ARNT: variants seen among roughly 807,000 people sequenced by gnomAD.
The protein encoded by ARNT is aryl hydrocarbon receptor nuclear translocator, also known as class E basic helix-loop-helix protein 2.
A neutral mutation model predicts 105.0 loss-of-function variants in ARNT; 30 were observed. That is an observed-to-expected ratio of 0.29 (90% CI 0.21 to 0.39). The LOEUF is 0.39. Among genes scored for constraint, ARNT ranks in the 10% least tolerant of loss-of-function variants. The pLI, the probability that ARNT is intolerant of heterozygous loss-of-function variation, is 1.00. For synonymous variants in ARNT, 304 were observed against 344.0 expected, an observed-to-expected ratio of 0.88 and a Z score of 1.29; for missense variants, 748 against 978.7, an observed-to-expected ratio of 0.76 and a Z score of 3.15.
chr1:150,823,431 T>A, intron 13 of ARNT, 86 bp from the exon 14 acceptor site: 1 of 1,336,572 alleles, frequency 7.5e-7, no homozygotes, highest in Non-Finnish European at 1.0e-6. Flanking sequence ...TCTATAACCC[T>A]AAAACTCTTG....
rs1663873796 is a variant in ARNT, at chr1:150,852,816, G to A, written c.138-10C>T. 3 of 1,613,910 alleles carry A rather than the reference G, an allele frequency of 1.9e-6. No homozygotes were observed. The highest frequency in any genetic ancestry group is 2.2e-5 in the East Asian group (1 of 44,862). ...ATCATCAAAATCCAGCCTGAGGAAA[G>A]CCAACAATAAATACTTTAAGCCTGC... On this transcript the variant is annotated splice_polypyrimidine_tract_variant and intron_variant, in intron 2 of 21. Coordinates refer to ENST00000358595, the MANE Select transcript of ARNT (RefSeq NM_001668.4).
At chr1:150,864,184 T>C (rs1325970287) in intron 1 of ARNT, among the ~76,000 whole-genome samples, 1 of 152,182 alleles carries the variant, frequency 6.6e-6, no homozygotes, top group African/African-American at 2.4e-5. Context: ...AAGTAATGTG[T>C]TGTGCTAAGA....
At chr1:150,847,425 C>CAA (rs587697329) in intron 3 of ARNT, among the ~76,000 whole-genome samples, 29,555 of 90,674 alleles carry the variant, frequency 0.33, 5,509 homozygotes, top group South Asian at 0.5. Flanking sequence ...GACTCCGTCT[C>CAA]AAAAAAAAAA....
At chr1:150,834,706 C>T in intron 7 of ARNT, 66 bp from the exon 8 acceptor site, 1 of 1,394,042 alleles carries the variant, frequency 7.2e-7, no homozygotes, top group Non-Finnish European at 1.0e-6. Context: ...GGGAGAGATA[C>T]TGAAGGCAAA....
intron 1 of ARNT, among the ~76,000 whole-genome samples, chr1:150,860,001 T>C (rs1307970090): frequency 6.7e-6 from 1 of 149,874 alleles, no homozygotes; most frequent in Non-Finnish European, 1.5e-5. Flanking sequence ...AGCAAGATCC[T>C]GTCTAAAAAA....
chr1:150,868,812 C>T (rs941852824), intron 1 of ARNT, among the ~76,000 whole-genome samples: 1 of 151,956 alleles, frequency 6.6e-6, no homozygotes, highest in Non-Finnish European at 1.5e-5. Context: ...GCAGGAGAAT[C>T]GCTTAAACCC....
chr1:150,836,234 A>C (rs780963898), intron 7 of ARNT, 46 bp downstream of exon 7: 2 of 1,582,994 alleles, frequency 1.3e-6, no homozygotes, highest in African/African-American at 2.7e-5. Context: ...TCAGGAAAAA[A>C]ACAAGAAAGG....
At chr1:150,848,428 C>T (rs770731267) in intron 3 of ARNT, among the ~76,000 whole-genome samples, 13 of 149,734 alleles carry the variant, frequency 8.7e-5, no homozygotes, top group Non-Finnish European at 1.5e-4. Context: ...TGCACTCCAA[C>T]GTGGGCAACA....
At chr1:150,844,029 TC>T (rs1286045901) in intron 4 of ARNT, among the ~76,000 whole-genome samples, 1 of 152,176 alleles carries the variant, frequency 6.6e-6, no homozygotes, top group Non-Finnish European at 1.5e-5. Context: ...AAAACCAAAA[TC>T]ATTCATGCGA....
chr1:150,860,016 A>C (rs1243042053), intron 1 of ARNT, among the ~76,000 whole-genome samples: 2 of 151,836 alleles, frequency 1.3e-5, no homozygotes, highest in Non-Finnish European at 2.9e-5. Context: ...AAAAAAAAAA[A>C]AAGGGTGCAT....
At chr1:150,874,625 C>G (rs992646225) in intron 1 of ARNT, among the ~76,000 whole-genome samples, 3 of 152,084 alleles carry the variant, frequency 2.0e-5, no homozygotes, top group Admixed American at 1.3e-4. Context: ...GAGGTGGAGG[C>G]TGCCGTGAGC....
At chr1:150,862,102 G>T (rs1162035107) in intron 1 of ARNT, among the ~76,000 whole-genome samples, 1 of 152,018 alleles carries the variant, frequency 6.6e-6, no homozygotes, top group Non-Finnish European at 1.5e-5. Flanking sequence ...ACAATATATT[G>T]CTATGGCAAT....
intron 3 of ARNT, 44 bp from the exon 4 acceptor site, chr1:150,846,351 A>T: frequency 1.3e-6 from 2 of 1,593,376 alleles, no homozygotes; most frequent in Non-Finnish European, 1.7e-6. Context: ...TACACTTGTT[A>T]TATCTATTTC....
intron 21 of ARNT, among the ~76,000 whole-genome samples, chr1:150,812,964 T>C (rs587640653): frequency 2.0e-5 from 3 of 152,318 alleles, no homozygotes; most frequent in African/African-American, 7.2e-5. Flanking sequence ...TCTAAGGGGC[T>C]GACATCATAT....
chr1:150,850,287 C>T lies in ARNT; in HGVS notation c.182+2475G>A, dbSNP rs183051963. On this transcript the variant is annotated intron_variant, in intron 3 of 21. Transcript: ENST00000358595. ...TCTCCCCACGGTCTCCCTCTCCCCA[C>T]GGTCTCCCTCTCCCTCTCTTTCCAC... Among the ~76,000 whole-genome samples, 51 of 152,096 alleles carry T rather than the reference C, an allele frequency of 3.4e-4. 1 individual carries two copies. In the East Asian group the frequency reaches 7.9e-3, roughly 24 times the overall value.
intron 20 of ARNT, among the ~76,000 whole-genome samples, chr1:150,813,721 C>T (rs587648334): frequency 2.6e-5 from 4 of 151,788 alleles, no homozygotes; most frequent in East Asian, 1.9e-4. Context: ...CTCAGCTCAC[C>T]GCAACCTCTG....
At chr1:150,812,211 A>T in intron 21 of ARNT, 101 bp from the exon 22 acceptor site, 1 of 829,088 alleles carries the variant, frequency 1.2e-6, no homozygotes, top group Non-Finnish European at 1.7e-6. Flanking sequence ...CCTGACCCCG[A>T]GTCTTTGCTG....
rs1018631004 is a variant in ARNT, at chr1:150,811,652, T to C, written c.*369A>G. The C allele has an allele frequency of 1.3e-5, 3 of 236,864 alleles. No individual in the cohort carries two copies. The highest frequency in any genetic ancestry group is 6.6e-5 in the African/African-American group (3 of 45,462). 14.7% of individuals were successfully genotyped at this position (236,864 alleles called of 1,614,324 possible). On this transcript the variant is annotated 3_prime_UTR_variant, in exon 22 of 22. Transcript: ENST00000358595. ...TCCTCCACTCTCTTCAGAATTTCTT[T>C]CCAAAAACAAGCCATACTATCCAAG... is the stretch of plus-strand genomic sequence containing the variant.
intron 5 of ARNT, among the ~76,000 whole-genome samples, chr1:150,840,490 C>T (rs1379471388): frequency 1.3e-5 from 2 of 152,178 alleles, no homozygotes; most frequent in Non-Finnish European, 2.9e-5. Flanking sequence ...AAGCCTCTCT[C>T]TTATTTGCAA....
Sources: gnomAD v4.1 joint callset for allele counts (sites outside exome capture counted in the v4.1 genomes callset) on GRCh38, gnomAD v4.1.1 for gene constraint, MANE v1.5 for transcripts, NCBI Gene and HGNC (gene_info 2026-07-23, HGNC 2026-07-21) for gene names.